LPIN1: variants seen among roughly 807,000 people sequenced by gnomAD.
LPIN1 encodes lipin 1.
In LPIN1, 71 loss-of-function variants were observed where a neutral mutation model predicts 107.5. The observed-to-expected ratio is 0.66, with a 90% CI of 0.55 to 0.80. LPIN1 has a LOEUF of 0.80. Ranked by LOEUF, LPIN1 falls within the 30% of genes least tolerant of loss-of-function variation. The pLI, the probability that LPIN1 is intolerant of heterozygous loss-of-function variation, is 0.00. For synonymous variants in LPIN1, 445 were observed against 452.6 expected (o/e 0.98, Z 0.21); for missense variants, 1,043 against 1,160.6 (o/e 0.90, Z 1.47).
Position 11,765,488 on chromosome 2 carries a change from G to T in LPIN1, c.-9-45G>T, listed in dbSNP as rs752886133. 7 of 1,562,148 alleles carry T rather than the reference G, an allele frequency of 4.5e-6. No individual in the cohort carries two copies. In the Admixed American group the frequency reaches 1.1e-4, roughly 24 times the overall value. ...GTTCATTTTGATTGGCTCTTCCTTG[G>T]ATTAATTGTGTGTCTGTGTGTGTTT... On this transcript the variant is annotated intron_variant, in intron 1 of 20. Transcript: ENST00000674199. The surrounding 1 kb of genome is among the most constrained non-coding windows in gnomAD (Gnocchi z 4.4).
At position 11,824,891 on chromosome 2, in the gene LPIN1, G is replaced by A. The variant is rs1336267589; in HGVS notation, c.*100G>A. 2.1e-5 allele frequency: 29 copies of A among 1,365,750 alleles called. No individual in the cohort carries two copies. Among genetic ancestry groups the A allele is most frequent in the Admixed American group, 1.2e-4 (7 of 57,040 alleles). The allele number at this position is 1,365,750 out of a possible 1,614,324, so 84.6% of individuals were successfully genotyped here. ...GCACAGCTCCACCTGGGAGCCTGGC[G>A]CGTCATCATTGGCCTGACAGCAGAG... is the stretch of plus-strand genomic sequence containing the variant. On this transcript the variant is annotated 3_prime_UTR_variant, in exon 21 of 21. Coordinates refer to ENST00000674199, the MANE Select transcript of LPIN1 (RefSeq NM_001349206.2).
upstream of LPIN1, chr2:11,746,626 G>T (rs1358850429): frequency 9.1e-6 from 9 of 985,288 alleles, no homozygotes; most frequent in African/African-American, 1.7e-5. Context: ...GCCGGCGGCG[G>T]GCTGGGTGTT....
At chr2:11,748,101 T>TGA (rs1667237118) in intron 1 of LPIN1, among the ~76,000 whole-genome samples, 1 of 152,246 alleles carries the variant, frequency 6.6e-6, no homozygotes, top group South Asian at 2.1e-4. Context: ...AGGGTTCAGG[T>TGA]GAGAGACCGC....
At chr2:11,804,087 T>C (rs1165578246) in intron 15 of LPIN1, among the ~76,000 whole-genome samples, 1 of 152,212 alleles carries the variant, frequency 6.6e-6, no homozygotes, top group African/African-American at 2.4e-5. Context: ...TTGTGATTTA[T>C]TACGCCGTGT....
intron 1 of LPIN1, among the ~76,000 whole-genome samples, chr2:11,702,665 C>T (rs765097286): frequency 2.6e-5 from 4 of 152,190 alleles, no homozygotes; most frequent in Non-Finnish European, 5.9e-5. Context: ...AAAGAATATG[C>T]ACTATGCTAA....
intron 2 of LPIN1, among the ~76,000 whole-genome samples, chr2:11,717,040 C>T (rs1002654473): frequency 1.4e-4 from 22 of 152,026 alleles, no homozygotes; most frequent in Admixed American, 1.4e-3. Context: ...AAGGACTGGA[C>T]CTAAATTTTA....
chr2:11,685,411 T>A (rs1189022584), intron 1 of LPIN1, among the ~76,000 whole-genome samples: 2 of 152,200 alleles, frequency 1.3e-5, no homozygotes, highest in African/African-American at 4.8e-5. Context: ...GCAGACATGA[T>A]GGACCTGTTG....
intron 1 of LPIN1, among the ~76,000 whole-genome samples, chr2:11,753,804 C>T (rs1668247229): frequency 1.3e-5 from 2 of 152,156 alleles, no homozygotes; most frequent in African/African-American, 4.8e-5. Flanking sequence ...TCATGCAAGT[C>T]TTATTAGTCA....
chr2:11,725,525 T>C (rs1664549939), intron 1 of LPIN1, among the ~76,000 whole-genome samples: 1 of 152,172 alleles, frequency 6.6e-6, no homozygotes, highest in South Asian at 2.1e-4. Flanking sequence ...CTGGGCCCCC[T>C]AACCCTTTCC....
intron 4 of LPIN1, among the ~76,000 whole-genome samples, chr2:11,772,104 A>G (rs1416009087): frequency 1.3e-5 from 2 of 152,166 alleles, no homozygotes; most frequent in Non-Finnish European, 2.9e-5. Context: ...GCAGTTCACA[A>G]CAGGGTTCGT....
chr2:11,696,334 G>A (rs905356181), intron 1 of LPIN1, among the ~76,000 whole-genome samples: 3 of 152,026 alleles, frequency 2.0e-5, no homozygotes, highest in Middle Eastern at 3.2e-3. Context: ...TCGAGGGAAG[G>A]ATAAGGTGCA....
rs750957787 is a variant in LPIN1 at position 11,765,604 on chromosome 2, G to A, written c.63G>A (p.Gly21=). Residue 21 remains glycine (G), a synonymous_variant, in exon 2 of 21, where the codon GGG becomes GGA. Coordinates refer to ENST00000674199, the MANE Select transcript of LPIN1 (RefSeq NM_001349206.2). The surrounding 1 kb of genome is among the most constrained non-coding windows in gnomAD (Gnocchi z 4.4). ...VFVTVKELYK[G]LNPATLSGCI... Reference sequence around the variant, plus strand: ...TCACCGTGAAGGAGCTCTACAAGGGGCTGAATCCCGCCACACTCTCAGGGT... The same window carrying A: ...TCACCGTGAAGGAGCTCTACAAGGGACTGAATCCCGCCACACTCTCAGGGT... The A allele has an allele frequency of 6.2e-7, 1 of 1,614,126 alleles. No individual in the cohort carries two copies. The highest frequency in any genetic ancestry group is 8.5e-7 in the Non-Finnish European group (1 of 1,180,004).
chr2:11,677,700 A>G, exon 1 of LPIN1: 1 of 1,535,374 alleles, frequency 6.5e-7, no homozygotes, highest in Admixed American at 2.0e-5. Context: ...TCGCAGGGCA[A>G]GAGCTCCCCA....
At chr2:11,701,246 G>A (rs1051839896) in intron 1 of LPIN1, among the ~76,000 whole-genome samples, 2 of 152,122 alleles carry the variant, frequency 1.3e-5, no homozygotes, top group East Asian at 1.9e-4. Flanking sequence ...CATGCAGCAC[G>A]CATCATGTTG....
Position 11,765,589 on chromosome 2 carries a change from G to A in LPIN1, c.48G>A (p.Lys16=), listed in dbSNP as rs757663910. The change falls in exon 2 of 21, where the codon AAG becomes AAA. Residue 16 remains lysine, a synonymous_variant. Transcript: ENST00000674199. The surrounding 1 kb of genome is among the most constrained non-coding windows in gnomAD (Gnocchi z 4.4). ...CCGGCCAGGTGTTTGTCACCGTGAA[G>A]GAGCTCTACAAGGGGCTGAATCCCG... is the stretch of plus-strand genomic sequence containing the variant. ...QLAGQVFVTV[K]ELYKGLNPAT... 1.6e-5 allele frequency: 26 copies of A among 1,614,032 alleles called. No individual in the cohort carries two copies. Among genetic ancestry groups the A allele is most frequent in the East Asian group, 2.2e-5 (1 of 44,892 alleles).
intron 1 of LPIN1, among the ~76,000 whole-genome samples, chr2:11,702,393 AG>A (rs1320244449): frequency 6.6e-6 from 1 of 152,016 alleles, no homozygotes; most frequent in African/African-American, 2.4e-5. Flanking sequence ...CTGACAAAAG[AG>A]GTGATTGGGG....
Position 11,710,744 on chromosome 2 carries a change from A to G in LPIN1, c.82-3012A>G, listed in dbSNP as rs530775231. ...TGCCAAAGGCCACACAGCTCCTAGT[A>G]GAAGAACTGGAATTCAAAGCCAGGT... On this transcript the variant is annotated intron_variant, in intron 1 of 21. Transcript: ENST00000449576. 1.8e-4 allele frequency among the ~76,000 whole-genome samples: 27 copies of G among 152,362 alleles called. No individual in the cohort carries two copies. In the East Asian group the frequency reaches 4.8e-3, roughly 27 times the overall value.
intron 17 of LPIN1, among the ~76,000 whole-genome samples, chr2:11,806,717 T>C (rs1678753006): frequency 6.6e-6 from 1 of 152,194 alleles, no homozygotes; most frequent in South Asian, 2.1e-4. Context: ...ATAAAAATAC[T>C]AATAAAAGAG....
Position 11,786,836 on chromosome 2 carries a change from A to G in LPIN1, c.1550-238A>G, listed in dbSNP as rs996770293. On this transcript the variant is annotated intron_variant, in intron 10 of 20. Coordinates refer to ENST00000674199, the MANE Select transcript of LPIN1 (RefSeq NM_001349206.2). This position sits in a 1 kb window ranked among gnomAD's most constrained non-coding sequence, Gnocchi z 4.1. Reference sequence around the variant, plus strand: ...CTGTGTGAACGTATGTGCCTCAACTAAGGTACACGTCCCCCAACATCCTCA... The same window carrying G: ...CTGTGTGAACGTATGTGCCTCAACTGAGGTACACGTCCCCCAACATCCTCA... Among the ~76,000 whole-genome samples the G allele has an allele frequency of 2.0e-5, 3 of 152,214 alleles. No homozygotes were observed. The highest frequency in any genetic ancestry group is 7.2e-5 in the African/African-American group (3 of 41,460).
Sources: allele counts gnomAD v4.1 joint callset (sites outside exome capture counted in the v4.1 genomes callset), GRCh38; gene constraint gnomAD v4.1.1; non-coding constraint Gnocchi (gnomAD v3.1); transcripts MANE v1.5; gene names NCBI Gene and HGNC (gene_info 2026-07-23, HGNC 2026-07-21).